NCAM2: variants seen among roughly 807,000 people sequenced by gnomAD.
NCAM2 encodes neural cell adhesion molecule 2.
In NCAM2, 30 loss-of-function variants were observed where a neutral mutation model predicts 98.1. The ratio of observed to expected loss-of-function variants is 0.31; its 90% confidence interval spans 0.23 to 0.41. The LOEUF (loss-of-function observed/expected upper bound fraction) is 0.41, where lower values mean the gene tolerates loss of function less well. Among genes scored for constraint, NCAM2 ranks in the 10% least tolerant of loss-of-function variants. The pLI is 1.00. For missense variants in NCAM2, 867 were observed against 1,005.8 expected (o/e 0.86, Z 1.87); for synonymous variants, 368 against 342.4 (o/e 1.07, Z -0.83).
intron 1 of NCAM2, chr21:21,147,054 C>CTGCCTTCTACTCCGGAACTCTTACCCTT: frequency 1.8e-6 from 1 of 554,074 alleles, no homozygotes; most frequent in East Asian, 1.6e-4. Context: ...ACTCATACGG[C>CTGCCTTCTACTCCGGAACTCTTACCCTT]TGCCTTCTAC....
intron 1 of NCAM2, among the ~76,000 whole-genome samples, chr21:21,045,256 A>G (rs931263664): frequency 6.6e-6 from 1 of 152,226 alleles, no homozygotes; most frequent in Non-Finnish European, 1.5e-5. Context: ...TAAAAGTGAA[A>G]CACAGACAAG....
chr21:21,287,764 G>A (rs541049113), intron 4 of NCAM2, among the ~76,000 whole-genome samples: 2 of 151,996 alleles, frequency 1.3e-5, no homozygotes, highest in African/African-American at 4.8e-5. Context: ...GAGCTCATAC[G>A]TATTTCCCCA....
At chr21:21,456,853 G>A (rs1982224011) in intron 12 of NCAM2, among the ~76,000 whole-genome samples, 1 of 152,154 alleles carries the variant, frequency 6.6e-6, no homozygotes, top group Non-Finnish European at 1.5e-5. Context: ...GGTGGAATGA[G>A]AAGATGTCTA....
At chr21:21,217,919 G>A (rs1013305172) in intron 1 of NCAM2, among the ~76,000 whole-genome samples, 7 of 152,168 alleles carry the variant, frequency 4.6e-5, no homozygotes, top group South Asian at 4.1e-4. Flanking sequence ...AAGCTGGTAG[G>A]AAAATGGAAA....
At chr21:21,416,032 T>C (rs987746545) in intron 10 of NCAM2, among the ~76,000 whole-genome samples, 3 of 152,206 alleles carry the variant, frequency 2.0e-5, no homozygotes, top group African/African-American at 4.8e-5. Flanking sequence ...GCTTCTGTTT[T>C]AGCCTATCTT....
chr21:21,214,746 T>TATATATATATACAC (rs11268201), intron 1 of NCAM2, among the ~76,000 whole-genome samples: 2,393 of 100,526 alleles, frequency 0.024, 52 homozygotes, highest in Middle Eastern at 0.051. Context: ...TATATATATA[T>TATATATATATACAC]ACACTATATA....
At chr21:21,517,794 A>T (rs940009023) in intron 16 of NCAM2, among the ~76,000 whole-genome samples, 9 of 152,108 alleles carry the variant, frequency 5.9e-5, no homozygotes, top group African/African-American at 2.2e-4. Context: ...GGGAACGAAG[A>T]TGGCACCAAT....
intron 15 of NCAM2, 85 bp from the exon 16 acceptor site, chr21:21,508,766 T>A: frequency 1.1e-6 from 1 of 923,906 alleles, no homozygotes; most frequent in South Asian, 2.2e-5. Flanking sequence ...TTTAAAATAA[T>A]CATCTAATAT....
chr21:21,374,801 A>G (rs923583044), intron 9 of NCAM2, among the ~76,000 whole-genome samples: 9 of 151,972 alleles, frequency 5.9e-5, no homozygotes, highest in African/African-American at 2.2e-4. Flanking sequence ...AAATATTTCT[A>G]TTGGAGCATG....
intron 6 of NCAM2, among the ~76,000 whole-genome samples, chr21:21,333,981 C>A (rs772142242): frequency 3.3e-5 from 5 of 151,284 alleles, no homozygotes; most frequent in Non-Finnish European, 5.9e-5. Context: ...TTTTCGGACA[C>A]AGTCTCACTC....
At chr21:21,031,902 G>A (rs2064692953) in intron 1 of NCAM2, among the ~76,000 whole-genome samples, 1 of 152,030 alleles carries the variant, frequency 6.6e-6, no homozygotes, top group South Asian at 2.1e-4. Context: ...TTATTTCTGT[G>A]ACTTAGGCAG....
rs2073097533 is a variant in NCAM2, at chr21:21,286,258, T to C, written c.338-11T>C. 6.3e-7 allele frequency: 1 copy of C among 1,578,196 alleles called. No individual in the cohort carries two copies. The highest frequency in any genetic ancestry group is 1.7e-4 in the Middle Eastern group (1 of 6,006). ...TTGTGATTTGTGATTTGTTTTACTTTGTTGATACAGAAAAACTCACTTTCA... is the reference window on the plus strand; with the variant it reads ...TTGTGATTTGTGATTTGTTTTACTTCGTTGATACAGAAAAACTCACTTTCA... On this transcript the variant is annotated splice_polypyrimidine_tract_variant and intron_variant, in intron 3 of 17. Transcript: ENST00000400546.
chr21:21,047,931 C>T (rs1204304575), intron 1 of NCAM2, among the ~76,000 whole-genome samples: 1 of 152,180 alleles, frequency 6.6e-6, no homozygotes, highest in Non-Finnish European at 1.5e-5. Context: ...TCCAATCTGA[C>T]TCTGGTATAA....
At chr21:21,432,022 C>T (rs1055711473) in intron 11 of NCAM2, 86 bp from the exon 12 acceptor site, 3 of 1,266,214 alleles carry the variant, frequency 2.4e-6, no homozygotes, top group Non-Finnish European at 2.2e-6. Context: ...TTTTCCTTCA[C>T]TCCTAGTTCT....
intron 1 of NCAM2, among the ~76,000 whole-genome samples, chr21:21,090,024 C>T (rs2146442823): frequency 6.6e-6 from 1 of 152,208 alleles, no homozygotes; most frequent in South Asian, 2.1e-4. Flanking sequence ...GAAATGGAAA[C>T]CACAACTACC....
chr21:21,234,657 C>T (rs1387991285), intron 1 of NCAM2, among the ~76,000 whole-genome samples: 2 of 151,896 alleles, frequency 1.3e-5, no homozygotes, highest in South Asian at 2.1e-4. Context: ...TGGTGTGAAT[C>T]ATACATGCGA....
intron 9 of NCAM2, among the ~76,000 whole-genome samples, chr21:21,403,283 C>G (rs2076670423): frequency 6.6e-6 from 1 of 152,096 alleles, no homozygotes. Context: ...GGGAATCTTT[C>G]TCTGGGTTGC....
At chr21:21,377,312 T>C (rs1190720456) in intron 9 of NCAM2, among the ~76,000 whole-genome samples, 2 of 151,944 alleles carry the variant, frequency 1.3e-5, no homozygotes, top group East Asian at 3.9e-4. Context: ...TTTTCTCAAG[T>C]CACTTTAAAA....
At chr21:21,065,479 A>T (rs1380748130) in intron 1 of NCAM2, among the ~76,000 whole-genome samples, 2 of 152,226 alleles carry the variant, frequency 1.3e-5, no homozygotes, top group Non-Finnish European at 1.5e-5. Context: ...TAAGCATCAT[A>T]AACTGTAAGT....
Sources: gnomAD v4.1 joint callset for allele counts (sites outside exome capture counted in the v4.1 genomes callset) on GRCh38, gnomAD v4.1.1 for gene constraint, MANE v1.5 for transcripts, NCBI Gene and HGNC (gene_info 2026-07-23, HGNC 2026-07-21) for gene names.